The following ROR1 variants were observed in gnomAD, a reference collection of about 807,000 sequenced individuals.
ROR1 encodes inactive tyrosine-protein kinase transmembrane receptor ROR1.
ROR1 carries 19 observed loss-of-function variants against 78.8 expected under a neutral mutation model. The observed-to-expected ratio is 0.24, with a 90% CI of 0.17 to 0.35. The LOEUF is 0.35. ROR1 is among the 10% of genes least tolerant of loss of function. ROR1 has a pLI of 1.00. For missense variants in ROR1, 917 were observed against 1,177.8 expected (o/e 0.78, Z 3.24); for synonymous variants, 386 against 433.6 (o/e 0.89, Z 1.36).
At chr1:63,984,049 T>C (rs535643352) in intron 1 of ROR1, among the ~76,000 whole-genome samples, 2 of 152,200 alleles carry the variant, frequency 1.3e-5, no homozygotes, top group African/African-American at 2.4e-5. Context: ...TTTTTTTCTA[T>C]GTGCCTGATA....
At chr1:63,835,911 G>A (rs780065208) in intron 1 of ROR1, among the ~76,000 whole-genome samples, 10 of 152,266 alleles carry the variant, frequency 6.6e-5, no homozygotes, top group African/African-American at 2.4e-4. Flanking sequence ...ACACATTTAG[G>A]TTAAAGTAAA....
At chr1:64,173,898 C>A (rs1330454687) in intron 8 of ROR1, among the ~76,000 whole-genome samples, 6 of 152,176 alleles carry the variant, frequency 3.9e-5, no homozygotes, top group African/African-American at 1.4e-4. Context: ...TCATTCACAT[C>A]TCAGAGGAGC....
chr1:63,999,444 C>A (rs1570037788), intron 1 of ROR1, among the ~76,000 whole-genome samples: 1 of 152,208 alleles, frequency 6.6e-6, no homozygotes, highest in Admixed American at 6.5e-5. Context: ...ACATAAGCCT[C>A]ATCACCAAAA....
chr1:63,956,111 A>C (rs985089867), intron 1 of ROR1, among the ~76,000 whole-genome samples: 5 of 152,044 alleles, frequency 3.3e-5, no homozygotes, highest in African/African-American at 1.2e-4. Context: ...AGATCAGATG[A>C]GATGGGTTTG....
At chr1:63,787,476 TCCTTCCTG>T (rs1164177762) in intron 1 of ROR1, among the ~76,000 whole-genome samples, 7,608 of 132,156 alleles carry the variant, frequency 0.058, 332 homozygotes, top group East Asian at 0.13. Context: ...CTTCCTTCCT[TCCTTCCTG>T]CCTTCCTGCC....
At chr1:63,925,245 T>G (rs1256678375) in intron 1 of ROR1, among the ~76,000 whole-genome samples, 1 of 149,898 alleles carries the variant, frequency 6.7e-6, no homozygotes. Context: ...TTCTCACCTA[T>G]GAGTGAGAAT....
intron 4 of ROR1, among the ~76,000 whole-genome samples, chr1:64,065,281 G>A (rs1342120465): frequency 6.6e-6 from 1 of 152,210 alleles, no homozygotes. Context: ...CCATGCAGGT[G>A]GACTCCAGAG....
At chr1:64,050,000 A>T in intron 3 of ROR1, 22 bp downstream of exon 3, 2 of 1,612,586 alleles carry the variant, frequency 1.2e-6, no homozygotes, top group Non-Finnish European at 1.7e-6. Context: ...CCTACTGGGG[A>T]TGGACTTTGG....
At position 64,145,103 on chromosome 1, in the gene ROR1, G is replaced by A. The variant is rs181257488; in HGVS notation, c.1174+2453G>A. On this transcript the variant is annotated intron_variant, in intron 7 of 8. Coordinates refer to ENST00000371079, the MANE Select transcript of ROR1 (RefSeq NM_005012.4). Reference sequence around the variant, plus strand: ...TATAGTCAATATATAAAGATAAATCGATTCGAATTATCACATAGTCAACAT... The same window carrying A: ...TATAGTCAATATATAAAGATAAATCAATTCGAATTATCACATAGTCAACAT... Among the ~76,000 whole-genome samples, 422 of 152,134 alleles carry A rather than the reference G, an allele frequency of 2.8e-3. 1 individual carries two copies. The highest frequency in any genetic ancestry group is 4.2e-3 in the Admixed American group (64 of 15,280).
At chr1:63,931,526 T>C (rs1233959261) in intron 1 of ROR1, among the ~76,000 whole-genome samples, 1 of 152,164 alleles carries the variant, frequency 6.6e-6, no homozygotes, top group African/African-American at 2.4e-5. Flanking sequence ...TCCAAAAATA[T>C]TAAATGGAAG....
intron 1 of ROR1, among the ~76,000 whole-genome samples, chr1:63,977,775 CCAGAGAGACA>C (rs1488739040): frequency 6.6e-6 from 1 of 152,170 alleles, no homozygotes; most frequent in Non-Finnish European, 1.5e-5. Flanking sequence ...ATGCATAGAG[CCAGAGAGACA>C]CAATTTGACT....
chr1:64,069,562 G>A (rs1646985578), intron 4 of ROR1, among the ~76,000 whole-genome samples: 1 of 152,138 alleles, frequency 6.6e-6, no homozygotes, highest in Non-Finnish European at 1.5e-5. Flanking sequence ...GTGTGTGATT[G>A]GGTGATCATC....
chr1:64,066,542 C>G (rs1646957835), intron 4 of ROR1: 3 of 152,142 alleles, frequency 2.0e-5, no homozygotes, highest in Admixed American at 2.0e-4. Flanking sequence ...TGGTCTCGAT[C>G]TGACCTCGTG....
At chr1:64,021,089 C>T (rs1409545963) in intron 2 of ROR1, among the ~76,000 whole-genome samples, 3 of 152,048 alleles carry the variant, frequency 2.0e-5, no homozygotes, top group Non-Finnish European at 2.9e-5. Flanking sequence ...TTCAAATCCC[C>T]GCATACCTCA....
chr1:63,841,812 A>G (rs1241199085), intron 1 of ROR1, among the ~76,000 whole-genome samples: 1 of 152,238 alleles, frequency 6.6e-6, no homozygotes, highest in East Asian at 1.9e-4. Context: ...TGTATGAAAG[A>G]GGATTTTATC....
intron 1 of ROR1, among the ~76,000 whole-genome samples, chr1:63,869,654 C>A (rs1645238803): frequency 6.6e-6 from 1 of 152,182 alleles, no homozygotes; most frequent in Non-Finnish European, 1.5e-5. Context: ...ATTAAGGAAC[C>A]CAACTTGTAT....
intron 1 of ROR1, among the ~76,000 whole-genome samples, chr1:63,849,634 G>A (rs1325244153): frequency 6.6e-6 from 1 of 152,164 alleles, no homozygotes; most frequent in Non-Finnish European, 1.5e-5. Context: ...GGACGTCAAG[G>A]CTGCAGTGAG....
chr1:63,933,064 C>T (rs1645766529), intron 1 of ROR1, among the ~76,000 whole-genome samples: 1 of 152,108 alleles, frequency 6.6e-6, no homozygotes. Context: ...CCTTAATTGA[C>T]TTGTGTTGAA....
chr1:63,932,473 T>C (rs1159287907), intron 1 of ROR1, among the ~76,000 whole-genome samples: 1 of 152,152 alleles, frequency 6.6e-6, no homozygotes, highest in East Asian at 1.9e-4. Context: ...GTATGAGAAG[T>C]GAGGCCTACC....
Sources: allele counts gnomAD v4.1 joint callset (sites outside exome capture counted in the v4.1 genomes callset), GRCh38; gene constraint gnomAD v4.1.1; transcripts MANE v1.5; gene names NCBI Gene and HGNC (gene_info 2026-07-23, HGNC 2026-07-21).